WWOX: variants seen among roughly 807,000 people sequenced by gnomAD.
WWOX encodes the protein WW domain containing oxidoreductase, also known as WW domain-containing oxidoreductase.
WWOX carries 69 observed loss-of-function variants against 46.2 expected under a neutral mutation model. That is an observed-to-expected ratio of 1.49 (90% CI 1.23 to 1.82). WWOX has a LOEUF of 1.82. Ranked by LOEUF, WWOX falls within the 40% of genes most tolerant of loss-of-function variation. The pLI is 0.00. For synonymous variants in WWOX, 359 were observed against 202.6 expected, an observed-to-expected ratio of 1.77 and a Z score of -6.56; for missense variants, 919 against 542.6, an observed-to-expected ratio of 1.69 and a Z score of -6.89.
chr16:78,206,207 A>G (rs1048999528), intron 5 of WWOX, among the ~76,000 whole-genome samples: 4 of 152,174 alleles, frequency 2.6e-5, no homozygotes, highest in African/African-American at 9.7e-5. Context: ...CAGCTATGCT[A>G]AATTCTTTGA....
At chr16:78,597,300 C>T (rs559059204) in intron 8 of WWOX, among the ~76,000 whole-genome samples, 3 of 152,252 alleles carry the variant, frequency 2.0e-5, no homozygotes, top group Non-Finnish European at 4.4e-5. Flanking sequence ...TAAACGGATA[C>T]TATTAGCACC....
rs367981347 is a variant in WWOX at position 78,833,143 on chromosome 16, G to C, written c.1057-378465G>C. Among the ~76,000 whole-genome samples, 51 of 151,842 alleles carry C rather than the reference G, an allele frequency of 3.4e-4. No individual in the cohort carries two copies. In the East Asian group the frequency reaches 9.4e-3, roughly 28 times the overall value. The stretch of plus-strand genomic sequence containing the variant: ...TGCAGCCTCCAACTCCTAGGCTCAA[G>C]CGATCCTCCAGCCTCTGCCTGCCAA... On this transcript the variant is annotated intron_variant, in intron 8 of 8. Transcript: ENST00000566780.
At chr16:78,309,293 C>G (rs80204300) in intron 5 of WWOX, among the ~76,000 whole-genome samples, 2,123 of 152,268 alleles carry the variant, frequency 0.014, 21 homozygotes, top group Middle Eastern at 0.034. Flanking sequence ...TGCTTCCTGC[C>G]GCTTTGTGAA....
At chr16:78,356,629 T>C (rs1010108492) in intron 5 of WWOX, among the ~76,000 whole-genome samples, 3 of 152,172 alleles carry the variant, frequency 2.0e-5, no homozygotes, top group Admixed American at 1.3e-4. Context: ...ACGCCTGTAA[T>C]CCAAGCACTT....
At chr16:78,641,287 A>G (rs1405827323) in intron 8 of WWOX, among the ~76,000 whole-genome samples, 3 of 152,196 alleles carry the variant, frequency 2.0e-5, no homozygotes, top group East Asian at 1.9e-4. Context: ...CGGAGCCACA[A>G]TCAAATGCAA....
chr16:78,309,952 T>G (rs185694584), intron 5 of WWOX, among the ~76,000 whole-genome samples: 10 of 152,292 alleles, frequency 6.6e-5, no homozygotes, highest in African/African-American at 2.4e-4. Context: ...TTAGGTTATA[T>G]GCGTGAAGTT....
chr16:79,086,379 G>C (rs2048854285), intron 8 of WWOX, among the ~76,000 whole-genome samples: 2 of 152,220 alleles, frequency 1.3e-5, no homozygotes, highest in African/African-American at 4.8e-5. Flanking sequence ...GCTTTGAGAT[G>C]AGAAAGCGTG....
At chr16:78,672,940 C>G (rs1464685908) in intron 8 of WWOX, among the ~76,000 whole-genome samples, 1 of 152,208 alleles carries the variant, frequency 6.6e-6, no homozygotes, top group Non-Finnish European at 1.5e-5. Context: ...TGGCGGTGAC[C>G]TTGTGCAATC....
At chr16:78,642,513 G>C (rs2046744395) in intron 8 of WWOX, among the ~76,000 whole-genome samples, 1 of 152,114 alleles carries the variant, frequency 6.6e-6, no homozygotes, top group Non-Finnish European at 1.5e-5. Context: ...ATGCTGCCTA[G>C]GTCCACAGTC....
chr16:78,548,088 G>C (rs1428523582), intron 8 of WWOX, among the ~76,000 whole-genome samples: 2 of 150,754 alleles, frequency 1.3e-5, no homozygotes, highest in African/African-American at 4.9e-5. Flanking sequence ...CCAGGAGGTG[G>C]AGGTTGCAGT....
chr16:78,756,820 C>G (rs867803381), intron 8 of WWOX: 9 of 619,840 alleles, frequency 1.5e-5, no homozygotes, highest in African/African-American at 1.1e-4. Flanking sequence ...TCTCGGACAC[C>G]TAATACTACT....
intron 8 of WWOX, among the ~76,000 whole-genome samples, chr16:79,067,001 A>G (rs536916206): frequency 1.8e-4 from 27 of 152,348 alleles, no homozygotes; most frequent in African/African-American, 6.5e-4. Context: ...GGCATTCTGC[A>G]TGCCACAGTT....
At chr16:78,531,733 C>T (rs1017030894) in intron 8 of WWOX, among the ~76,000 whole-genome samples, 7 of 152,158 alleles carry the variant, frequency 4.6e-5, no homozygotes, top group African/African-American at 9.6e-5. Context: ...TGATGTGTGT[C>T]TGTAATCCCA....
intron 8 of WWOX, among the ~76,000 whole-genome samples, chr16:78,504,958 A>T (rs753830207): frequency 2.0e-5 from 3 of 152,194 alleles, no homozygotes; most frequent in Non-Finnish European, 4.4e-5. Flanking sequence ...AAAAGAATGT[A>T]TAAATTGATG....
chr16:78,885,562 G>C (rs1034118799), intron 8 of WWOX, among the ~76,000 whole-genome samples: 1 of 152,194 alleles, frequency 6.6e-6, no homozygotes, highest in African/African-American at 2.4e-5. Context: ...TGTTGGATGT[G>C]ATTTCCAACA....
intron 8 of WWOX, among the ~76,000 whole-genome samples, chr16:79,210,205 C>G (rs147301805): frequency 2.1e-3 from 315 of 152,312 alleles, no homozygotes; most frequent in African/African-American, 7.4e-3. Context: ...TCCATTGTTA[C>G]TAGATATCCT....
chr16:78,425,214 G>A (rs1362795196), intron 7 of WWOX, among the ~76,000 whole-genome samples, 159 bp downstream of exon 7: 2 of 151,984 alleles, frequency 1.3e-5, no homozygotes, highest in Non-Finnish European at 2.9e-5. Context: ...TTTTTTGTTC[G>A]CCTGTGATTG....
intron 8 of WWOX, among the ~76,000 whole-genome samples, chr16:78,459,033 G>A (rs2738645): frequency 0.24 from 36,224 of 152,074 alleles, 4,721 homozygotes; most frequent in African/African-American, 0.34. Flanking sequence ...GATTCTATTA[G>A]TAAACTAATG....
intron 8 of WWOX, among the ~76,000 whole-genome samples, chr16:78,726,281 GT>G (rs1481814237): frequency 1.3e-5 from 2 of 150,626 alleles, no homozygotes; most frequent in African/African-American, 4.9e-5. Context: ...TTACAGTGCA[GT>G]GGCATGATCA....
Sources: gnomAD v4.1 joint callset for allele counts (sites outside exome capture counted in the v4.1 genomes callset) on GRCh38, gnomAD v4.1.1 for gene constraint, MANE v1.5 for transcripts, NCBI Gene and HGNC (gene_info 2026-07-23, HGNC 2026-07-21) for gene names.